APIP: variants seen among roughly 807,000 people sequenced by gnomAD.
APIP encodes methylthioribulose-1-phosphate dehydratase.
Under a neutral mutation model 32.0 loss-of-function variants are expected in APIP, and 32 were observed. The ratio of observed to expected loss-of-function variants is 1.00; its 90% CI spans 0.76 to 1.34. The LOEUF is 1.34. Among genes scored for constraint, APIP ranks in the 40% most tolerant of loss-of-function variants. The probability of loss-of-function intolerance (pLI) is 0.00; values close to 1 mark genes in which losing one functional copy is unlikely to be tolerated. For synonymous variants in APIP, 92 were observed against 94.8 expected (o/e 0.97, Z 0.17); for missense variants, 247 against 298.6 (o/e 0.83, Z 1.27).
intron 1 of APIP, among the ~76,000 whole-genome samples, chr11:34,910,949 T>C (rs1479192498): frequency 6.6e-6 from 1 of 152,144 alleles, no homozygotes; most frequent in African/African-American, 2.4e-5. Context: ...GGAGGCAAGG[T>C]CACCTTTGAA....
rs767425029 is a variant in APIP at position 34,916,356 on chromosome 11, G to A, written c.-72C>T. 5.1e-6 allele frequency: 8 copies of A among 1,577,562 alleles called. No individual in the cohort carries two copies. The East Asian group carries it at 7.0e-5, about 14-fold the overall frequency. On this transcript the variant is annotated 5_prime_UTR_variant, in exon 1 of 7. Transcript: ENST00000395787. The stretch of plus-strand genomic sequence containing the variant: ...GCGCGCGGCGCTTAGCCTGGGATAC[G>A]GCAGCGAGGCCGCAAATGCAATCAG...
intron 3 of APIP, 35 bp downstream of exon 3, chr11:34,890,469 A>C (rs927102617): frequency 2.5e-6 from 4 of 1,574,924 alleles, no homozygotes; most frequent in Non-Finnish European, 3.4e-6. Flanking sequence ...ATTAAGAAGA[A>C]AAGACACTGA....
intron 3 of APIP, among the ~76,000 whole-genome samples, chr11:34,889,310 C>A (rs961639971): frequency 8.6e-5 from 13 of 151,924 alleles, no homozygotes; most frequent in African/African-American, 3.1e-4. Context: ...AATCGACATT[C>A]CAAAGATGGG....
intron 1 of APIP, among the ~76,000 whole-genome samples, chr11:34,907,380 G>C (rs1055134013): frequency 6.6e-6 from 1 of 152,124 alleles, no homozygotes; most frequent in Non-Finnish European, 1.5e-5. Flanking sequence ...TTTTATTACA[G>C]GTCTCCCCTT....
At chr11:34,910,107 T>C (rs1449543524) in intron 1 of APIP, among the ~76,000 whole-genome samples, 1 of 152,200 alleles carries the variant, frequency 6.6e-6, no homozygotes, top group African/African-American at 2.4e-5. Context: ...AAGTGACGAT[T>C]TGAGGTTGAA....
intron 1 of APIP, chr11:34,915,853 G>C (rs1161977215): frequency 1.0e-5 from 3 of 300,560 alleles, no homozygotes; most frequent in African/African-American, 4.4e-5. Context: ...GCGCAGAAAA[G>C]AAGCTTGGGG....
intron 1 of APIP, among the ~76,000 whole-genome samples, chr11:34,913,630 A>G (rs544432029): frequency 4.1e-4 from 63 of 152,188 alleles, no homozygotes; most frequent in Non-Finnish European, 7.6e-4. Flanking sequence ...GAGCAGCAGC[A>G]AGATTTATTG....
At chr11:34,886,709 C>T (rs560768916) in intron 5 of APIP, among the ~76,000 whole-genome samples, 2 of 152,096 alleles carry the variant, frequency 1.3e-5, no homozygotes, top group African/African-American at 4.8e-5. Flanking sequence ...TTTTACCAAA[C>T]CTTTTCTATG....
At chr11:34,885,748 C>T (rs1479242278) in intron 5 of APIP, among the ~76,000 whole-genome samples, 3 of 152,186 alleles carry the variant, frequency 2.0e-5, no homozygotes, top group African/African-American at 7.2e-5. Flanking sequence ...AGTTTGCTCA[C>T]ATCCTGCATT....
At chr11:34,888,513 T>A (rs1458944128) in intron 4 of APIP, 85 bp from the exon 5 acceptor site, 1 of 1,544,204 alleles carries the variant, frequency 6.5e-7, no homozygotes, top group Non-Finnish European at 8.7e-7. Flanking sequence ...GTTATACTTA[T>A]ATTTACATAT....
At chr11:34,899,947 C>T (rs1258782934) in intron 1 of APIP, among the ~76,000 whole-genome samples, 2 of 152,152 alleles carry the variant, frequency 1.3e-5, no homozygotes, top group East Asian at 3.9e-4. Flanking sequence ...GCATGTGGTC[C>T]CCTGGAGTGG....
intron 1 of APIP, among the ~76,000 whole-genome samples, chr11:34,905,087 A>C (rs1853425037): frequency 6.6e-6 from 1 of 152,252 alleles, no homozygotes; most frequent in Non-Finnish European, 1.5e-5. Context: ...GTAGGACTAT[A>C]TGCTGTAGCA....
intron 3 of APIP, among the ~76,000 whole-genome samples, chr11:34,889,516 T>C (rs1257396946): frequency 1.3e-5 from 2 of 151,990 alleles, no homozygotes; most frequent in Non-Finnish European, 2.9e-5. Flanking sequence ...CAGGGGTACA[T>C]GTGGAGGTTT....
chr11:34,890,633 T>C, intron 2 of APIP, 81 bp from the exon 3 acceptor site: 1 of 1,445,908 alleles, frequency 6.9e-7, no homozygotes, highest in South Asian at 1.2e-5. Flanking sequence ...CAATCATGCA[T>C]GTTCTTTATA....
chr11:34,904,956 C>T (rs987767508), intron 1 of APIP, among the ~76,000 whole-genome samples: 2 of 152,246 alleles, frequency 1.3e-5, no homozygotes, highest in African/African-American at 4.8e-5. Context: ...TCACCAAATA[C>T]TTCTTGCCAT....
chr11:34,891,754 G>C (rs1008595983), intron 2 of APIP, among the ~76,000 whole-genome samples: 1 of 152,206 alleles, frequency 6.6e-6, no homozygotes, highest in Admixed American at 6.5e-5. Flanking sequence ...TTGTTTCCGA[G>C]TTCTGCAACA....
intron 1 of APIP, among the ~76,000 whole-genome samples, chr11:34,904,752 C>T (rs367638334): frequency 6.6e-6 from 1 of 152,132 alleles, no homozygotes; most frequent in East Asian, 1.9e-4. Context: ...TCTTTCAAGC[C>T]CCTAGGCAAT....
chr11:34,893,222 T>C (rs140359320), intron 2 of APIP, among the ~76,000 whole-genome samples: 1 of 152,328 alleles, frequency 6.6e-6, no homozygotes, highest in East Asian at 1.9e-4. Context: ...TAGTCCTTTA[T>C]GTCTTTTTGA....
chr11:34,902,209 T>C (rs1479261300), intron 1 of APIP, among the ~76,000 whole-genome samples: 1 of 152,260 alleles, frequency 6.6e-6, no homozygotes, highest in Non-Finnish European at 1.5e-5. Context: ...GAGGATTTCC[T>C]TCCGTCCAGA....
Sources: gnomAD v4.1 joint callset for allele counts (sites outside exome capture counted in the v4.1 genomes callset) on GRCh38, gnomAD v4.1.1 for gene constraint, MANE v1.5 for transcripts, NCBI Gene and HGNC (gene_info 2026-07-23, HGNC 2026-07-21) for gene names.